UBR2: variants seen among roughly 807,000 people sequenced by gnomAD.
UBR2 encodes E3 ubiquitin-protein ligase UBR2.
In UBR2, 92 loss-of-function variants were observed where a neutral mutation model predicts 247.9. The observed-to-expected ratio is 0.37, with a 90% CI of 0.31 to 0.44. UBR2 has a LOEUF of 0.44. UBR2 is among the 20% of genes least tolerant of loss of function. The pLI is 1.00. For missense variants in UBR2, 1,613 were observed against 2,112.6 expected (o/e 0.76, Z 4.64); for synonymous variants, 672 against 693.5 (o/e 0.97, Z 0.49).
intron 26 of UBR2, among the ~76,000 whole-genome samples, chr6:42,656,817 C>G (rs742900): frequency 0.43 from 65,109 of 151,938 alleles, 14,047 homozygotes; most frequent in Admixed American, 0.49. Context: ...TTTACCTATT[C>G]TTTTTCTCTG....
chr6:42,601,688 CAA>C (rs370998275), intron 4 of UBR2, among the ~76,000 whole-genome samples: 40 of 117,452 alleles, frequency 3.4e-4, no homozygotes, highest in Admixed American at 8.2e-4. Flanking sequence ...AACTCTAGCT[CAA>C]AAAAAAAAAA....
At chr6:42,635,626 A>C in intron 14 of UBR2, 80 bp downstream of exon 14, 1 of 1,500,174 alleles carries the variant, frequency 6.7e-7, no homozygotes, top group Non-Finnish European at 9.1e-7. Context: ...AATTTCAAGG[A>C]GATCTGGAGA....
intron 13 of UBR2, among the ~76,000 whole-genome samples, chr6:42,635,085 C>A (rs1347447731): frequency 6.6e-6 from 1 of 152,060 alleles, no homozygotes; most frequent in Non-Finnish European, 1.5e-5. Flanking sequence ...TGTCACATTT[C>A]TTTTAACAAT....
At chr6:42,591,831 A>G (rs1194432917) in intron 2 of UBR2, among the ~76,000 whole-genome samples, 1 of 152,214 alleles carries the variant, frequency 6.6e-6, no homozygotes, top group Non-Finnish European at 1.5e-5. Context: ...AGTATATTTC[A>G]TATACATCTA....
chr6:42,569,467 T>G (rs7762500), intron 1 of UBR2, among the ~76,000 whole-genome samples: 66,596 of 152,026 alleles, frequency 0.44, 14,627 homozygotes, highest in African/African-American at 0.48. Flanking sequence ...TTGCCTATTT[T>G]CAATTAGTCT....
chr6:42,614,375 T>TATATATGTATGTATGTACATACATAC (rs70990112), intron 8 of UBR2, among the ~76,000 whole-genome samples: 6 of 69,750 alleles, frequency 8.6e-5, no homozygotes, highest in African/African-American at 2.7e-4. Context: ...TGTGTATGTG[T>TATATATGTATGTATGTACATACATAC]GTATATATGT....
At chr6:42,671,050 T>A (rs1164080053) in intron 36 of UBR2, among the ~76,000 whole-genome samples, 1 of 152,028 alleles carries the variant, frequency 6.6e-6, no homozygotes. Context: ...CCAGGCGTGG[T>A]GGCGCATGCC....
chr6:42,609,184 C>A (rs1008294430), intron 7 of UBR2, among the ~76,000 whole-genome samples: 1 of 152,136 alleles, frequency 6.6e-6, no homozygotes, highest in Non-Finnish European at 1.5e-5. Context: ...AGTCTAGTAA[C>A]GTGTTAAAGC....
intron 2 of UBR2, among the ~76,000 whole-genome samples, chr6:42,574,514 A>G (rs950107941): frequency 6.6e-6 from 1 of 152,122 alleles, no homozygotes; most frequent in African/African-American, 2.4e-5. Flanking sequence ...AGAAACCAAG[A>G]TCTGGGTGCT....
At chr6:42,645,342 TTA>T (rs2151961368) in intron 20 of UBR2, 122 bp from the exon 21 acceptor site, 1 of 911,036 alleles carries the variant, frequency 1.1e-6, no homozygotes, top group Non-Finnish European at 1.7e-6. Context: ...AGAACAGTCA[TTA>T]CTTTCCCATT....
intron 8 of UBR2, among the ~76,000 whole-genome samples, chr6:42,614,205 A>AAAAAAATAT (rs1562310782): frequency 2.3e-4 from 6 of 26,614 alleles, no homozygotes; most frequent in Non-Finnish European, 4.0e-4. Context: ...AAAAAAAAAA[A>AAAAAAATAT]CTATATATAT....
At chr6:42,667,576 T>G (rs1257126288) in intron 34 of UBR2, among the ~76,000 whole-genome samples, 2 of 134,678 alleles carry the variant, frequency 1.5e-5, no homozygotes, top group African/African-American at 5.5e-5. Context: ...TCCTTTCTTG[T>G]ACAGTTTTGT....
chr6:42,673,770 A>C, intron 36 of UBR2, 21 bp from the exon 37 acceptor site: 1 of 1,593,660 alleles, frequency 6.3e-7, no homozygotes. Context: ...GTTTTTTGTT[A>C]ATTGCGTTGG....
intron 25 of UBR2, 27 bp downstream of exon 25, chr6:42,652,672 T>C: frequency 6.3e-7 from 1 of 1,578,530 alleles, no homozygotes; most frequent in Middle Eastern, 1.7e-4. Flanking sequence ...TTATTATTTA[T>C]ATTTTAGTAT....
intron 23 of UBR2, among the ~76,000 whole-genome samples, chr6:42,650,760 C>T (rs559327410): frequency 6.6e-6 from 1 of 152,290 alleles, no homozygotes; most frequent in Non-Finnish European, 1.5e-5. Flanking sequence ...GCGTTTTGTA[C>T]ATATGTATAT....
At chr6:42,614,082 C>T (rs1473114160) in intron 8 of UBR2, among the ~76,000 whole-genome samples, 1 of 146,860 alleles carries the variant, frequency 6.8e-6, no homozygotes, top group Admixed American at 6.9e-5. Context: ...GAGGCTGAGG[C>T]ACAGGAATTG....
intron 4 of UBR2, among the ~76,000 whole-genome samples, chr6:42,597,772 C>T (rs527995980): frequency 5.3e-5 from 8 of 151,854 alleles, no homozygotes; most frequent in African/African-American, 7.2e-5. Flanking sequence ...CAAAATTAGC[C>T]GGGCGTGGTG....
chr6:42,640,383 GGTGTGTGTGTGT>G (rs61668810), intron 16 of UBR2, 113 bp downstream of exon 16: 2,352 of 174,256 alleles, frequency 0.013, 46 homozygotes, highest in African/African-American at 0.087. Context: ...GAACCAGTAA[GGTGTGTGTGTGT>G]GTGTGTGTGT....
At chr6:42,648,329 A>G (rs1438331727) in intron 22 of UBR2, among the ~76,000 whole-genome samples, 159 bp downstream of exon 22, 1 of 152,186 alleles carries the variant, frequency 6.6e-6, no homozygotes, top group East Asian at 1.9e-4. Flanking sequence ...TCTCACTGAC[A>G]TTTCACTTTT....
Sources: gnomAD v4.1 joint callset for allele counts (sites outside exome capture counted in the v4.1 genomes callset) on GRCh38, gnomAD v4.1.1 for gene constraint, MANE v1.5 for transcripts, NCBI Gene and HGNC (gene_info 2026-07-23, HGNC 2026-07-21) for gene names.